Variants in ERRFI1 observed in about 807,000 individuals in gnomAD.
ERRFI1 encodes the protein mitogen-inducible gene 6 protein.
In ERRFI1, 12 loss-of-function variants were observed where a neutral mutation model predicts 14.6. That is an observed-to-expected ratio of 0.82 (90% CI 0.53 to 1.33). The LOEUF is 1.33. Ranked by LOEUF, ERRFI1 falls within the 40% of genes most tolerant of loss-of-function variation. ERRFI1 has a pLI of 0.00. For synonymous variants in ERRFI1, 202 were observed against 209.9 expected, an observed-to-expected ratio of 0.96 and a Z score of 0.32; for missense variants, 482 against 572.1, an observed-to-expected ratio of 0.84 and a Z score of 1.61.
At chr1:8,019,793 T>C (rs1641250574) in intron 1 of ERRFI1, among the ~76,000 whole-genome samples, 1 of 152,168 alleles carries the variant, frequency 6.6e-6, no homozygotes, top group Non-Finnish European at 1.5e-5. Flanking sequence ...AGAAGACAGT[T>C]TGTAGACTGA....
intron 1 of ERRFI1, 105 bp downstream of exon 1, chr1:8,026,053 T>C (rs1281184232): frequency 6.6e-6 from 1 of 151,336 alleles, no homozygotes; most frequent in African/African-American, 2.4e-5. Flanking sequence ...GCCCCCGCCC[T>C]CGCGTCGGGG....
At chr1:8,018,713 A>G (rs746586474) in intron 1 of ERRFI1, among the ~76,000 whole-genome samples, 4 of 152,170 alleles carry the variant, frequency 2.6e-5, no homozygotes, top group Non-Finnish European at 5.9e-5. Context: ...TTAAATACCA[A>G]ATTTCAGATG....
chr1:8,025,920 C>T (rs933530301), intron 1 of ERRFI1, among the ~76,000 whole-genome samples: 1 of 151,992 alleles, frequency 6.6e-6, no homozygotes, highest in Non-Finnish European at 1.5e-5. Flanking sequence ...CAGGCCCGGG[C>T]TGCGCCGCCG....
chr1:8,020,523 AAAAC>A (rs774745078), intron 1 of ERRFI1, among the ~76,000 whole-genome samples: 98 of 151,646 alleles, frequency 6.5e-4, no homozygotes, highest in Admixed American at 3.9e-3. Flanking sequence ...TGAGGAAATT[AAAAC>A]AAACAAACAA....
At chr1:8,017,063 T>C (rs1357065786) in intron 1 of ERRFI1, among the ~76,000 whole-genome samples, 1 of 152,182 alleles carries the variant, frequency 6.6e-6, no homozygotes, top group Non-Finnish European at 1.5e-5. Context: ...GAATGTTTGC[T>C]GAATGAATGA....
At position 8,014,220 on chromosome 1, in the gene ERRFI1, T is replaced by A. The variant is rs1557464140; in HGVS notation, c.379A>T (p.Thr127Ser). ...TTTTTTATGGGTGTCAGTGGAGGGGTGGAAGCACAAACCCCATTCACTGTG... is the reference window on the plus strand; with the variant it reads ...TTTTTTATGGGTGTCAGTGGAGGGGAGGAAGCACAAACCCCATTCACTGTG... Reference protein sequence around the residue: ...KLTVNGVCASTPPLTPIKNSP... With the variant: ...KLTVNGVCASSPPLTPIKNSP... Residue 127 changes from threonine (T) to serine (S), a missense_variant, in exon 4 of 4, where the codon ACC (threonine) becomes TCC (serine). Physicochemically the swap from Thr to Ser is moderately conservative, Grantham distance 58. Coordinates refer to ENST00000377482, the MANE Select transcript of ERRFI1 (RefSeq NM_018948.4). The A allele has an allele frequency of 1.9e-6, 3 of 1,613,316 alleles. No homozygotes were observed. The highest frequency in any genetic ancestry group is 2.5e-6 in the Non-Finnish European group (3 of 1,179,834).
chr1:8,019,957 C>T (rs1641252620), intron 1 of ERRFI1, among the ~76,000 whole-genome samples: 1 of 151,854 alleles, frequency 6.6e-6, no homozygotes, highest in Admixed American at 6.6e-5. Context: ...GTTTTTGCTG[C>T]TGAATTTAAG....
In ERRFI1 at chr1:8,015,479, T is replaced by G. The variant is rs376892066; in HGVS notation, c.125+16A>C. On this transcript the variant is annotated intron_variant, in intron 2 of 3. Transcript: ENST00000377482. ...ATATTTATCCAGATTACAGCAGCAT[T>G]ACATCCTCTACTTACTTTTTAAACT... The G allele has an allele frequency of 2.5e-6, 4 of 1,614,028 alleles. No homozygotes were observed. The African/African-American group carries it at 4.0e-5, about 16-fold the overall frequency.
In ERRFI1 at chr1:8,013,774, G is replaced by A. The variant is rs927598201; in HGVS notation, c.825C>T (p.Asn275=). 2 of 1,614,180 alleles carry A rather than the reference G, an allele frequency of 1.2e-6. No individual in the cohort carries two copies. The highest frequency in any genetic ancestry group is 1.7e-6 in the Non-Finnish European group (2 of 1,180,028). Residue 275 remains asparagine, a synonymous_variant, in exon 4 of 4, where the codon AAC becomes AAT. Coordinates refer to ENST00000377482, the MANE Select transcript of ERRFI1 (RefSeq NM_018948.4). The surrounding 1 kb of genome is among the most constrained non-coding windows in gnomAD (Gnocchi z 4.3). ...SNCCIHRASP[N]SDEDKPEVPP... is the part of the protein sequence containing the mutation. ...GAACCTCAGGTTTGTCTTCATCGGA[G>A]TTAGGAGAAGCTCTGTGTATACAAC... is the stretch of plus-strand genomic sequence containing the variant.
intron 1 of ERRFI1, among the ~76,000 whole-genome samples, chr1:8,021,866 C>CA (rs1165477433): frequency 2.0e-5 from 3 of 152,238 alleles, no homozygotes; most frequent in African/African-American, 7.2e-5. Context: ...AGCCCGGCCT[C>CA]AGTGTCCAGG....
Position 8,012,268 on chromosome 1 carries a change from A to C in ERRFI1, c.*942T>G, listed in dbSNP as rs1472390162. On this transcript the variant is annotated 3_prime_UTR_variant, in exon 4 of 4. Transcript: ENST00000377482. ...ATGTTTATTAATACAGTCTAAAAAA[A>C]AAAAGCAAAACCACAACACACATCC... 4.3e-6 allele frequency: 1 copy of C among 231,502 alleles called. No individual in the cohort carries two copies. The highest frequency in any genetic ancestry group is 6.1e-5 in the East Asian group (1 of 16,504). The allele number at this position is 231,502 out of a possible 1,614,324, so 14.3% of individuals were successfully genotyped here. A position where few individuals can be genotyped will look rare whatever the true frequency, so the allele number is the denominator to read the frequency against.
At chr1:8,015,222 A>T in intron 3 of ERRFI1, 86 bp downstream of exon 3, 1 of 1,220,220 alleles carries the variant, frequency 8.2e-7, no homozygotes, top group Non-Finnish European at 1.2e-6. Flanking sequence ...TTCCTCATTT[A>T]AAAAATAATG....
At chr1:8,014,638 C>G (rs561922063) in intron 3 of ERRFI1, 31 of 484,300 alleles carry the variant, frequency 6.4e-5, no homozygotes, top group Non-Finnish European at 8.7e-5. Flanking sequence ...GACATGTGCA[C>G]AGCGCACACC....
chr1:8,015,495 T>C lies in ERRFI1; in HGVS notation c.125A>G (p.Asn42Ser), dbSNP rs1177277388. ...CAGCAGCATTACATCCTCTACTTAC[T>C]TTTTAAACTCACTGCGACTGCTCCA... ...TYWSSRSEFK[N>S]NFLNIDPITM... Residue 42 changes from asparagine to serine, a missense_variant and splice_region_variant, in exon 2 of 4, where the codon AAC (asparagine) becomes AGC (serine). Coordinates refer to ENST00000377482, the MANE Select transcript of ERRFI1 (RefSeq NM_018948.4). The C allele has an allele frequency of 6.2e-7, 1 of 1,614,074 alleles. No individual in the cohort carries two copies. The highest frequency in any genetic ancestry group is 8.5e-7 in the Non-Finnish European group (1 of 1,179,998).
At chr1:8,018,686 G>T (rs1017137244) in intron 1 of ERRFI1, among the ~76,000 whole-genome samples, 15 of 152,176 alleles carry the variant, frequency 9.9e-5, no homozygotes, top group Admixed American at 3.9e-4. Context: ...AGCTTTTTTA[G>T]TGGGTCTAAA....
At position 8,013,438 on chromosome 1, in the gene ERRFI1, C is replaced by T. The variant is rs2124055413; in HGVS notation, c.1161G>A (p.Lys387=). The T allele has an allele frequency of 6.2e-7, 1 of 1,614,234 alleles. No homozygotes were observed. Among genetic ancestry groups the T allele is most frequent in the South Asian group, 1.1e-5 (1 of 91,082 alleles). ...GGTAATAATGTGTTGAACTAACCTTCTTCCCATTTTCAATAATGGGCAGAA... is the reference window on the plus strand; with the variant it reads ...GGTAATAATGTGTTGAACTAACCTTTTTCCCATTTTCAATAATGGGCAGAA... The part of the protein sequence containing the change: ...PCILPIIENG[K]KVSSTHYYLL... The change falls in exon 4 of 4, where the codon AAG becomes AAA. Residue 387 remains lysine (K), a synonymous_variant. Transcript: ENST00000377482. This position sits in a 1 kb window ranked among gnomAD's most constrained non-coding sequence, Gnocchi z 4.3.
At position 8,014,216 on chromosome 1, in the gene ERRFI1, G is replaced by C. The variant is rs1389229698; in HGVS notation, c.383C>G (p.Pro128Arg). Residue 128 changes from proline (P) to arginine (R), a missense_variant, in exon 4 of 4, where the codon CCT becomes CGT. Physicochemically the swap from Pro to Arg is moderately radical, Grantham distance 103. Transcript: ENST00000377482. Reference sequence around the variant, plus strand: ...GGAGTTTTTTATGGGTGTCAGTGGAGGGGTGGAAGCACAAACCCCATTCAC... The same window carrying C: ...GGAGTTTTTTATGGGTGTCAGTGGACGGGTGGAAGCACAAACCCCATTCAC... ...LTVNGVCAST[P>R]PLTPIKNSPS... is the part of the protein sequence containing the mutation. 1.9e-6 allele frequency: 3 copies of C among 1,614,000 alleles called. No homozygotes were observed. Among genetic ancestry groups the C allele is most frequent in the Admixed American group, 3.3e-5 (2 of 59,990 alleles).
intron 1 of ERRFI1, among the ~76,000 whole-genome samples, chr1:8,018,460 G>A (rs1641228335): frequency 6.7e-6 from 1 of 149,452 alleles, no homozygotes; most frequent in African/African-American, 2.5e-5. Context: ...GATGTTTAAT[G>A]CCAATTTTTC....
intron 1 of ERRFI1, among the ~76,000 whole-genome samples, chr1:8,020,682 T>C (rs1411869615): frequency 5.3e-5 from 8 of 151,918 alleles, no homozygotes; most frequent in Admixed American, 2.0e-4. Flanking sequence ...GTAGCTGGGA[T>C]TACAGGCATG....
Sources: gnomAD v4.1 joint callset for allele counts (sites outside exome capture counted in the v4.1 genomes callset) on GRCh38, gnomAD v4.1.1 for gene constraint, Gnocchi (gnomAD v3.1) non-coding constraint, MANE v1.5 for transcripts, NCBI Gene and HGNC (gene_info 2026-07-23, HGNC 2026-07-21) for gene names.